The following PTPDC1 variants were observed in gnomAD, a reference collection of about 807,000 sequenced individuals.
PTPDC1 encodes the protein protein tyrosine phosphatase domain-containing protein 1.
Under a neutral mutation model 75.3 loss-of-function variants are expected in PTPDC1, and 53 were observed. The observed-to-expected ratio is 0.70, with a 90% CI of 0.56 to 0.88. The LOEUF is 0.88. Ranked by LOEUF, PTPDC1 falls within the 40% of genes least tolerant of loss-of-function variation. PTPDC1 has a pLI of 0.00. For synonymous variants in PTPDC1, 349 were observed against 366.2 expected (o/e 0.95, Z 0.54); for missense variants, 925 against 998.6 (o/e 0.93, Z 0.99).
chr9:94,085,134 G>A, intron 1 of PTPDC1, 117 bp from the exon 2 acceptor site: 5 of 836,502 alleles, frequency 6.0e-6, no homozygotes, highest in South Asian at 1.8e-5. Context: ...ACAAGATGAA[G>A]GTGATTTTGC....
In PTPDC1 at chr9:94,095,360, T is replaced by C. The variant is rs768350525; in HGVS notation, c.660T>C (p.Ser220=). Residue 220 remains serine, a synonymous_variant, in exon 5 of 9, where the codon TCT becomes TCC. Transcript: ENST00000620992. Reference sequence around the variant, plus strand: ...GATGGAAGGATTATGGTGTAGCGTCTCTTACTACTATCCTAGATATGGTGA... The same window carrying C: ...GATGGAAGGATTATGGTGTAGCGTCCCTTACTACTATCCTAGATATGGTGA... ...NFGWKDYGVA[S]LTTILDMVKV... is the part of the protein sequence containing the mutation. 134 of 1,612,684 alleles carry C rather than the reference T, an allele frequency of 8.3e-5. 8 individuals are homozygous for C. In the South Asian group the frequency reaches 1.4e-3, roughly 17 times the overall value.
At chr9:94,035,050 T>C (rs971133299) in intron 1 of PTPDC1, among the ~76,000 whole-genome samples, 4 of 152,242 alleles carry the variant, frequency 2.6e-5, no homozygotes, top group Non-Finnish European at 5.9e-5. Flanking sequence ...TTATACCTTA[T>C]AATTCAACTC....
chr9:94,061,235 G>A (rs1304373692), intron 1 of PTPDC1, among the ~76,000 whole-genome samples: 2 of 152,170 alleles, frequency 1.3e-5, no homozygotes, highest in Non-Finnish European at 2.9e-5. Context: ...TACTCCATGG[G>A]AACACTGATG....
At chr9:94,059,051 A>G (rs1291673461) in intron 1 of PTPDC1, among the ~76,000 whole-genome samples, 1 of 152,222 alleles carries the variant, frequency 6.6e-6, no homozygotes, top group Non-Finnish European at 1.5e-5. Context: ...AATTTACAAC[A>G]AAACAAAATA....
At chr9:94,033,928 TTA>T (rs142786659) in intron 1 of PTPDC1, among the ~76,000 whole-genome samples, 11,535 of 152,324 alleles carry the variant, frequency 0.076, 583 homozygotes, top group East Asian at 0.14. Flanking sequence ...CATCCATTTG[TTA>T]ATTTAGCAGA....
chr9:94,073,729 A>G (rs1195500211), intron 2 of PTPDC1, among the ~76,000 whole-genome samples: 1 of 152,196 alleles, frequency 6.6e-6, no homozygotes, highest in African/African-American at 2.4e-5. Context: ...GCATTAAGTG[A>G]TAGAAATTTC....
chr9:94,044,235 A>T (rs955105533), intron 1 of PTPDC1, among the ~76,000 whole-genome samples: 3 of 152,236 alleles, frequency 2.0e-5, no homozygotes, highest in African/African-American at 4.8e-5. Flanking sequence ...CCTATAGATC[A>T]ACTTGGAGAG....
intron 1 of PTPDC1, among the ~76,000 whole-genome samples, chr9:94,048,347 T>C (rs571809943): frequency 6.6e-6 from 1 of 152,338 alleles, no homozygotes; most frequent in South Asian, 2.1e-4. Context: ...CATTTAGTGC[T>C]ATAAATTTCC....
chr9:94,066,480 A>T (rs1163041068), intron 2 of PTPDC1, among the ~76,000 whole-genome samples: 2 of 152,238 alleles, frequency 1.3e-5, no homozygotes, highest in East Asian at 3.8e-4. Flanking sequence ...AAAGGAAAAC[A>T]GAAAACTTAT....
intron 2 of PTPDC1, among the ~76,000 whole-genome samples, chr9:94,075,522 A>G (rs1181882132): frequency 6.6e-6 from 1 of 152,196 alleles, no homozygotes; most frequent in African/African-American, 2.4e-5. Context: ...AAAGGGGGAC[A>G]GGCTTTTCTT....
intron 4 of PTPDC1, 76 bp from the exon 5 acceptor site, chr9:94,095,241 G>GGGTGGT: frequency 1.1e-6 from 1 of 939,210 alleles, no homozygotes. Context: ...GTGTAGATCT[G>GGGTGGT]TGTACTTTTC....
intron 2 of PTPDC1, chr9:94,064,972 G>C: frequency 1.6e-6 from 1 of 613,172 alleles, no homozygotes; most frequent in Non-Finnish European, 2.8e-6. Context: ...ATCTTGGCCT[G>C]TTAGAATTCC....
chr9:94,072,174 AT>A (rs774595985), intron 2 of PTPDC1, among the ~76,000 whole-genome samples: 3 of 151,984 alleles, frequency 2.0e-5, no homozygotes, highest in Non-Finnish European at 4.4e-5. Flanking sequence ...CGCCCAGCTA[AT>A]TTTTGTATTT....
intron 7 of PTPDC1, among the ~76,000 whole-genome samples, chr9:94,101,963 G>T (rs1203939345): frequency 6.6e-6 from 1 of 152,166 alleles, no homozygotes; most frequent in African/African-American, 2.4e-5. Flanking sequence ...CCATAGTCCT[G>T]GGAGAGGCAC....
At chr9:94,085,183 C>T in intron 1 of PTPDC1, 68 bp from the exon 2 acceptor site, 4 of 1,374,932 alleles carry the variant, frequency 2.9e-6, no homozygotes, top group Admixed American at 3.7e-5. Context: ...AAAATGGAAG[C>T]TATTTCCCAT....
intron 1 of PTPDC1, among the ~76,000 whole-genome samples, chr9:94,032,288 T>C (rs139532331): frequency 2.0e-5 from 3 of 152,308 alleles, no homozygotes; most frequent in Non-Finnish European, 4.4e-5. Flanking sequence ...GGATTCAGTA[T>C]CAGGGACAGG....
intron 4 of PTPDC1, among the ~76,000 whole-genome samples, chr9:94,094,922 C>T (rs1039644367): frequency 3.9e-5 from 6 of 152,244 alleles, no homozygotes; most frequent in Non-Finnish European, 7.3e-5. Flanking sequence ...GGCAGTGCCT[C>T]GCCCTGCTTC....
Position 94,098,130 on chromosome 9 carries a change from A to G in PTPDC1, c.1564A>G (p.Lys522Glu). The G allele has an allele frequency of 6.2e-7, 1 of 1,614,254 alleles. No individual in the cohort carries two copies. The highest frequency in any genetic ancestry group is 8.5e-7 in the Non-Finnish European group (1 of 1,180,042). The change falls in exon 6 of 9, where the codon AAA becomes GAA. Residue 522 changes from lysine to glutamate, a missense_variant. By Grantham distance (56) the Lys-to-Glu change is moderately conservative (BLOSUM62 1). Transcript: ENST00000620992. ...AAAGTTTGGAGGCCTGGAAGGACTC[A>G]AAGATAATGGGTCACCAATTTTCCA... The part of the protein sequence containing the change: ...QSKFGGLEGL[K>E]DNGSPIFHGR...
At chr9:94,094,896 T>TG (rs1827494112) in intron 4 of PTPDC1, among the ~76,000 whole-genome samples, 1 of 152,210 alleles carries the variant, frequency 6.6e-6, no homozygotes, top group African/African-American at 2.4e-5. Flanking sequence ...CCTGACCCCT[T>TG]GCGCTTCCCA....
Sources: allele counts gnomAD v4.1 joint callset (sites outside exome capture counted in the v4.1 genomes callset), GRCh38; gene constraint gnomAD v4.1.1; transcripts MANE v1.5; gene names NCBI Gene and HGNC (gene_info 2026-07-23, HGNC 2026-07-21).